Variants in TYRO3 observed in about 807,000 individuals in gnomAD.
TYRO3 encodes tyrosine-protein kinase receptor TYRO3.
In TYRO3, 38 loss-of-function variants were observed where a neutral mutation model predicts 95.2. The observed-to-expected ratio is 0.40, with a 90% CI of 0.31 to 0.52. The LOEUF (loss-of-function observed/expected upper bound fraction) is 0.52. TYRO3 is among the 20% of genes least tolerant of loss of function. The pLI, the probability that TYRO3 is intolerant of heterozygous loss-of-function variation, is 0.56. For missense variants in TYRO3, 812 were observed against 1,116.4 expected, an observed-to-expected ratio of 0.73 and a Z score of 3.89; for synonymous variants, 367 against 432.9, an observed-to-expected ratio of 0.85 and a Z score of 1.89.
rs753148406 is a variant in TYRO3 at position 41,561,104 on chromosome 15, A to G, written c.125-23A>G. The G allele has an allele frequency of 1.1e-5, 11 of 1,043,026 alleles. No homozygotes were observed. In the African/African-American group the frequency reaches 1.6e-4, roughly 15 times the overall value. 64.6% of individuals were successfully genotyped at this position (1,043,026 alleles called of 1,614,324 possible). On this transcript the variant is annotated intron_variant, in intron 1 of 18. Coordinates refer to ENST00000263798, the MANE Select transcript of TYRO3 (RefSeq NM_006293.4). ...AGACAGAGTCCCTCTCAAGGCTGAC[A>G]CATGTTCCTTCCCACCCCTCAGGTC...
Position 41,561,188 on chromosome 15 carries a change from C to T in TYRO3, c.186C>T (p.Leu62=), listed in dbSNP as rs2055647924. ...TGTCTCAGGGGCAGCCGGTGAAGCT[C>T]AACTGCAGTGTGGAGGGGATGGAGG... The part of the protein sequence containing the change: ...LTVSQGQPVK[L]NCSVEGMEEP... Residue 62 remains leucine (L), a synonymous_variant, in exon 2 of 19, where the codon CTC becomes CTT. Transcript: ENST00000263798. 1.2e-6 allele frequency: 2 copies of T among 1,614,098 alleles called. No individual in the cohort carries two copies. Among genetic ancestry groups the T allele is most frequent in the Admixed American group, 1.7e-5 (1 of 60,012 alleles).
In TYRO3 at chr15:41,579,322, G is replaced by T. The variant is rs2055898689; in HGVS notation, c.*1046G>T. The T allele has an allele frequency of 6.6e-6, 1 of 152,018 alleles. No homozygotes were observed. Among genetic ancestry groups the T allele is most frequent in the South Asian group, 2.1e-4 (1 of 4,816 alleles). 9.4% of individuals were successfully genotyped at this position (152,018 alleles called of 1,614,324 possible). ...TGCTGTTTAAAATAGAAATAAAATT[G>T]AAGACTAAAGACCTAAGGTTTTGTC... On this transcript the variant is annotated 3_prime_UTR_variant, in exon 19 of 19. Coordinates refer to ENST00000263798, the MANE Select transcript of TYRO3 (RefSeq NM_006293.4).
At position 41,581,342 on chromosome 15, in the gene TYRO3, G is replaced by A. The variant is rs1227869016; in HGVS notation, c.*3066G>A. 6.5e-6 allele frequency: 1 copy of A among 153,354 alleles called. No homozygotes were observed. The highest frequency in any genetic ancestry group is 1.5e-5 in the Non-Finnish European group (1 of 68,032). 9.5% of individuals were successfully genotyped at this position (153,354 alleles called of 1,614,324 possible). On this transcript the variant is annotated 3_prime_UTR_variant, in exon 19 of 19. Transcript: ENST00000263798. ...CTTCTGGCTGAGGGCAGGGGAATAGGGTGGCTGCTTCTGAAAGCAAATATC... is the reference window on the plus strand; with the variant it reads ...CTTCTGGCTGAGGGCAGGGGAATAGAGTGGCTGCTTCTGAAAGCAAATATC...
intron 18 of TYRO3, chr15:41,577,347 T>C (rs1200342): frequency 0.97 from 147,702 of 152,158 alleles, 71,790 homozygotes; most frequent in Non-Finnish European, 1. Context: ...TATTTTGAGA[T>C]GGAATTTCAC....
At chr15:41,577,717 GC>G (rs1566905042) in intron 18 of TYRO3, 168 bp from the exon 19 acceptor site, 2 of 634,298 alleles carry the variant, frequency 3.2e-6, no homozygotes, top group African/African-American at 3.7e-5. Context: ...GAACTCCTGG[GC>G]TCAAATAATA....
At chr15:41,561,746 C>A in intron 3 of TYRO3, 107 bp downstream of exon 3, 1 of 782,672 alleles carries the variant, frequency 1.3e-6, no homozygotes, top group Non-Finnish European at 2.0e-6. Context: ...TGCCCCACTG[C>A]TCTGTGGGGC....
chr15:41,570,242 A>G lies in TYRO3; in HGVS notation c.1385A>G (p.Gln462Arg), dbSNP rs966000000. The G allele has an allele frequency of 1.9e-6, 3 of 1,611,286 alleles. No individual in the cohort carries two copies. The highest frequency in any genetic ancestry group is 2.5e-6 in the Non-Finnish European group (3 of 1,177,822). The change falls in exon 11 of 19, where the codon CAA becomes CGA. Residue 462 changes from glutamine (Q) to arginine (R), a missense_variant and splice_region_variant. Physicochemically the swap from Gln to Arg is conservative, Grantham distance 43. Coordinates refer to ENST00000263798, the MANE Select transcript of TYRO3 (RefSeq NM_006293.4). The stretch of plus-strand genomic sequence containing the variant: ...CCAAATCCTGGGTTTTCCTTTAGGC[A>G]AGCCTTTGACAGTGTCATGGCCCGG... The part of the protein sequence containing the change: ...RKRRKETRFG[Q>R]AFDSVMARGE...
chr15:41,572,414 G>A (rs1257689435), intron 14 of TYRO3, 29 bp from the exon 15 acceptor site: 1 of 1,426,842 alleles, frequency 7.0e-7, no homozygotes, highest in Admixed American at 1.9e-5. Flanking sequence ...ACCCTTCTAT[G>A]CTCAGCTCCT....
At chr15:41,575,480 G>A (rs1317569113) in intron 18 of TYRO3, among the ~76,000 whole-genome samples, 1 of 152,230 alleles carries the variant, frequency 6.6e-6, no homozygotes, top group Non-Finnish European at 1.5e-5. Flanking sequence ...GTGGACAGGC[G>A]CCAGTTGGCT....
chr15:41,564,285 AGG>A lies in TYRO3; in HGVS notation c.667+17_667+18del. Reference sequence around the variant, plus strand: ...TCACCTTCAAGGTAGGAGGGCTGGCAGGGAGGAAGGGTGGATGAGGCCAGGGG... The same window carrying A: ...TCACCTTCAAGGTAGGAGGGCTGGCAGAGGAAGGGTGGATGAGGCCAGGGG... On this transcript the variant is annotated intron_variant, in intron 5 of 18. Coordinates refer to ENST00000263798, the MANE Select transcript of TYRO3 (RefSeq NM_006293.4). 1 of 1,480,664 alleles carries A rather than the reference AGG, an allele frequency of 6.8e-7. No individual in the cohort carries two copies. Among genetic ancestry groups the A allele is most frequent in the Non-Finnish European group, 9.4e-7 (1 of 1,062,300 alleles). The allele number at this position is 1,480,664 out of a possible 1,614,324, so 91.7% of individuals were successfully genotyped here. A position where few individuals can be genotyped will look rare whatever the true frequency, so the allele number is the denominator to read the frequency against.
rs776769130 is a variant in TYRO3 at position 41,562,735 on chromosome 15, G to A, written c.580+17G>A. On this transcript the variant is annotated intron_variant, in intron 4 of 18. Coordinates refer to ENST00000263798, the MANE Select transcript of TYRO3 (RefSeq NM_006293.4). ...ATGTAACAGGTGAGCAGCCTCAGAA[G>A]GGGGCTGGGAGTGGAGAAGGAGCTG... is the stretch of plus-strand genomic sequence containing the variant. The A allele has an allele frequency of 1.9e-6, 3 of 1,581,194 alleles. No individual in the cohort carries two copies. The highest frequency in any genetic ancestry group is 2.6e-6 in the Non-Finnish European group (3 of 1,159,762).
At chr15:41,561,674 G>A in intron 3 of TYRO3, 35 bp downstream of exon 3, 1 of 1,468,388 alleles carries the variant, frequency 6.8e-7, no homozygotes, top group Non-Finnish European at 9.3e-7. Flanking sequence ...GTGTTGGCCT[G>A]GAGCACGTGC....
At position 41,579,300 on chromosome 15, in the gene TYRO3, T is replaced by A. The variant is rs750154964; in HGVS notation, c.*1024T>A. 5.9e-5 allele frequency: 9 copies of A among 152,152 alleles called. No individual in the cohort carries two copies. Among genetic ancestry groups the A allele is most frequent in the Non-Finnish European group, 8.8e-5 (6 of 68,054 alleles). 9.4% of individuals were successfully genotyped at this position (152,152 alleles called of 1,614,324 possible). A position where few individuals can be genotyped will look rare whatever the true frequency, so the allele number is the denominator to read the frequency against. ...GGGACATTTCCAAGCTGTTAGTTGC[T>A]GTTTAAAATAGAAATAAAATTGAAG... On this transcript the variant is annotated 3_prime_UTR_variant, in exon 19 of 19. Transcript: ENST00000263798.
At chr15:41,571,404 G>A in intron 13 of TYRO3, 191 bp from the exon 14 acceptor site, 1 of 612,492 alleles carries the variant, frequency 1.6e-6, no homozygotes, top group East Asian at 2.8e-5. Flanking sequence ...CCAAAGGGAA[G>A]GGAAGGCATT....
intron 5 of TYRO3, among the ~76,000 whole-genome samples, 195 bp downstream of exon 5, chr15:41,564,465 A>C (rs1259489622): frequency 6.6e-6 from 1 of 152,130 alleles, no homozygotes; most frequent in East Asian, 1.9e-4. Flanking sequence ...TGAGAATAGA[A>C]TCCTGACGTC....
At chr15:41,569,171 A>C in intron 9 of TYRO3, 149 bp downstream of exon 9, 1 of 961,522 alleles carries the variant, frequency 1.0e-6, no homozygotes, top group Non-Finnish European at 1.5e-6. Flanking sequence ...TGTTTAAACT[A>C]TCTTGGCTGG....
At chr15:41,577,731 C>A in intron 18 of TYRO3, 155 bp from the exon 19 acceptor site, 1 of 700,916 alleles carries the variant, frequency 1.4e-6, no homozygotes, top group Non-Finnish European at 2.3e-6. Context: ...AAATAATACC[C>A]CCCTTCGGCC....
Position 41,582,050 on chromosome 15 carries a change from C to G in TYRO3, c.*3774C>G, listed in dbSNP as rs911120908. The G allele has an allele frequency of 6.6e-6, 1 of 152,236 alleles. No individual in the cohort carries two copies. The highest frequency in any genetic ancestry group is 6.5e-5 in the Admixed American group (1 of 15,274). 9.4% of individuals were successfully genotyped at this position (152,236 alleles called of 1,614,324 possible). On this transcript the variant is annotated 3_prime_UTR_variant, in exon 19 of 19. Transcript: ENST00000263798. Reference sequence around the variant, plus strand: ...TCAATCTCTGCCTCCTCCCTACTCCCCATAGGTAACCTCTATCCTGACCTC... The same window carrying G: ...TCAATCTCTGCCTCCTCCCTACTCCGCATAGGTAACCTCTATCCTGACCTC...
chr15:41,577,080 C>T (rs1352082022), intron 18 of TYRO3, among the ~76,000 whole-genome samples: 3 of 152,062 alleles, frequency 2.0e-5, no homozygotes, highest in African/African-American at 4.8e-5. Context: ...ACTTTAGTCA[C>T]GGTTCTTAAC....
Sources: gnomAD v4.1 joint callset for allele counts (sites outside exome capture counted in the v4.1 genomes callset) on GRCh38, gnomAD v4.1.1 for gene constraint, MANE v1.5 for transcripts, NCBI Gene and HGNC (gene_info 2026-07-23, HGNC 2026-07-21) for gene names.